The following TNFRSF10A variants were observed in gnomAD, a reference collection of about 807,000 sequenced individuals.
The protein encoded by TNFRSF10A is tumor necrosis factor receptor superfamily member 10A.
Under a neutral mutation model 42.8 loss-of-function variants are expected in TNFRSF10A, and 44 were observed. That is an observed-to-expected ratio of 1.03 (90% confidence interval 0.81 to 1.32). The LOEUF is 1.32. TNFRSF10A is among the 40% of genes most tolerant of loss of function. TNFRSF10A has a pLI of 0.00. For synonymous variants in TNFRSF10A, 259 were observed against 234.2 expected (o/e 1.11, Z -0.97); for missense variants, 680 against 602.0 (o/e 1.13, Z -1.36).
chr8:23,197,345 G>C, intron 8 of TNFRSF10A, 141 bp from the exon 9 acceptor site: 1 of 941,758 alleles, frequency 1.1e-6, no homozygotes, highest in South Asian at 1.4e-5. Context: ...AAAAACCTCT[G>C]GTCCCACATA....
At chr8:23,219,210 C>T (rs1801224751) in intron 1 of TNFRSF10A, among the ~76,000 whole-genome samples, 2 of 152,054 alleles carry the variant, frequency 1.3e-5, no homozygotes. Flanking sequence ...CTCATTTGTC[C>T]TCCCACCACC....
chr8:23,216,894 T>A (rs1271533415), intron 1 of TNFRSF10A, among the ~76,000 whole-genome samples: 3 of 152,212 alleles, frequency 2.0e-5, no homozygotes, highest in African/African-American at 7.2e-5. Context: ...TCAGAGAACA[T>A]ATTTTATATT....
In TNFRSF10A at chr8:23,212,100, C is replaced by A; in HGVS notation, c.403+16G>T. ...AAGAGAGGTGTAAAGGATTAGAGAT[C>A]AGTCTTAGAATGTACCTGGTGGACA... On this transcript the variant is annotated intron_variant, in intron 2 of 9. Transcript: ENST00000221132. 1 of 1,604,828 alleles carries A rather than the reference C, an allele frequency of 6.2e-7. No homozygotes were observed. The highest frequency in any genetic ancestry group is 1.1e-5 in the South Asian group (1 of 90,878).
At chr8:23,195,738 G>A (rs1020197531) in intron 9 of TNFRSF10A, among the ~76,000 whole-genome samples, 6 of 150,948 alleles carry the variant, frequency 4.0e-5, no homozygotes, top group Non-Finnish European at 5.9e-5. Context: ...AAGTGGGGCC[G>A]AGAGAGAGAG....
chr8:23,200,054 G>GGCC, intron 6 of TNFRSF10A, 137 bp from the exon 7 acceptor site: 1 of 1,033,106 alleles, frequency 9.7e-7, no homozygotes, highest in South Asian at 1.4e-5. Context: ...ATCCACATGA[G>GGCC]GCCCTGCTAA....
At chr8:23,200,642 TC>T (rs1341686101) in intron 5 of TNFRSF10A, 42 bp from the exon 6 acceptor site, 1 of 1,613,746 alleles carries the variant, frequency 6.2e-7, no homozygotes, top group African/African-American at 1.3e-5. Context: ...GGGCTGCTGG[TC>T]CCTGTCTCCT....
chr8:23,209,335 A>G (rs574549485), intron 2 of TNFRSF10A, among the ~76,000 whole-genome samples: 4 of 152,368 alleles, frequency 2.6e-5, no homozygotes, highest in African/African-American at 9.6e-5. Flanking sequence ...CCCCACACGG[A>G]GTCCCTACTG....
chr8:23,194,759 A>C (rs1267019813), intron 9 of TNFRSF10A, among the ~76,000 whole-genome samples: 1 of 152,220 alleles, frequency 6.6e-6, no homozygotes, highest in Admixed American at 6.5e-5. Context: ...AAAATGAAAG[A>C]ATTGAGTAAA....
intron 2 of TNFRSF10A, among the ~76,000 whole-genome samples, chr8:23,211,718 C>T (rs1370856427): frequency 6.6e-6 from 1 of 152,204 alleles, no homozygotes; most frequent in African/African-American, 2.4e-5. Context: ...TCCAAAAATA[C>T]ACCCATACCT....
chr8:23,208,745 C>T (rs1011291153), intron 2 of TNFRSF10A, among the ~76,000 whole-genome samples: 1 of 152,136 alleles, frequency 6.6e-6, no homozygotes, highest in South Asian at 2.1e-4. Flanking sequence ...CATGAGCCAC[C>T]GCGCCTGGCC....
intron 1 of TNFRSF10A, among the ~76,000 whole-genome samples, chr8:23,212,687 T>C (rs892239972): frequency 2.0e-5 from 3 of 152,272 alleles, no homozygotes; most frequent in Non-Finnish European, 4.4e-5. Flanking sequence ...AATCTCTTTA[T>C]GCCCTTTCTT....
At chr8:23,198,728 C>T (rs3808531) in intron 8 of TNFRSF10A, among the ~76,000 whole-genome samples, 38,150 of 151,942 alleles carry the variant, frequency 0.25, 4,967 homozygotes, top group South Asian at 0.34. Flanking sequence ...TGTGTGGGTA[C>T]GTGCATGTGT....
At chr8:23,216,972 T>C (rs1801192631) in intron 1 of TNFRSF10A, among the ~76,000 whole-genome samples, 1 of 152,326 alleles carries the variant, frequency 6.6e-6, no homozygotes, top group Middle Eastern at 3.4e-3. Context: ...TGAAGTACCA[T>C]GTTCATAGAA....
intron 9 of TNFRSF10A, among the ~76,000 whole-genome samples, chr8:23,195,046 C>G (rs1052592819): frequency 3.3e-5 from 5 of 152,186 alleles, no homozygotes; most frequent in African/African-American, 1.2e-4. Context: ...GTGGTCCCAG[C>G]TACTCAGGAG....
rs1343300358 is a variant in TNFRSF10A, at chr8:23,197,875, G to A, written c.1015-671C>T. Among the ~76,000 whole-genome samples the A allele has an allele frequency of 3.3e-5, 5 of 152,244 alleles. No individual in the cohort carries two copies. The East Asian group carries it at 9.6e-4, about 29-fold the overall frequency. ...AGTTACTTGAGGAAAAAGACCCAGGGCACTGCAGAGTGGAGGATGCTCTCT... is the reference window on the plus strand; with the variant it reads ...AGTTACTTGAGGAAAAAGACCCAGGACACTGCAGAGTGGAGGATGCTCTCT... On this transcript the variant is annotated intron_variant, in intron 8 of 9. Transcript: ENST00000221132.
rs958398883 is a variant in TNFRSF10A, at chr8:23,191,502, G to A, written c.*192C>T. ...TTTTGTAAAGACGGCATTTCACGAT[G>A]TTGGTCAGGCTGGTCTTGAACTTCT... On this transcript the variant is annotated 3_prime_UTR_variant, in exon 10 of 10. Transcript: ENST00000221132. 41 of 710,164 alleles carry A rather than the reference G, an allele frequency of 5.8e-5. No homozygotes were observed. The African/African-American group carries it at 7.1e-4, about 12-fold the overall frequency. The allele number at this position is 710,164 out of a possible 1,614,324, so 44.0% of individuals were successfully genotyped here.
rs1206766667 is a variant in TNFRSF10A, at chr8:23,224,968, C to G, written c.94G>C (p.Ala32Pro). The change falls in exon 1 of 10, where the codon GCC (alanine) becomes CCC (proline). Residue 32 changes from alanine to proline, a missense_variant. Physicochemically the swap from Ala to Pro is conservative, Grantham distance 27 (BLOSUM62 -1). Transcript: ENST00000221132. ...SAASGTEAAA[A>P]TPSKVWGSSA... ...GAGCCCCACACTTTGCTGGGTGTGG[C>G]CGCGGCTGCCTCTGTCCCACTCGCT... The G allele has an allele frequency of 6.3e-7, 1 of 1,599,092 alleles. No homozygotes were observed. Among genetic ancestry groups the G allele is most frequent in the South Asian group, 1.1e-5 (1 of 88,966 alleles).
intron 2 of TNFRSF10A, among the ~76,000 whole-genome samples, chr8:23,208,736 A>T (rs1295086809): frequency 1.2e-4 from 19 of 152,124 alleles, no homozygotes. Context: ...GATTACACGC[A>T]TGAGCCACCG....
In TNFRSF10A at chr8:23,200,142, GCT is replaced by G. The variant is rs913399116; in HGVS notation, c.800-227_800-226del. Among the ~76,000 whole-genome samples, 4 of 152,230 alleles carry G rather than the reference GCT, an allele frequency of 2.6e-5. No homozygotes were observed. In the East Asian group the frequency reaches 5.8e-4, roughly 22 times the overall value. On this transcript the variant is annotated intron_variant, in intron 6 of 9. Transcript: ENST00000221132. ...AACAAGTGGAACATCACTGTTTTCTGCTCTGTGTTTTGCTCTGAACAAAGCTA... is the reference window on the plus strand; with the variant it reads ...AACAAGTGGAACATCACTGTTTTCTGCTGTGTTTTGCTCTGAACAAAGCTA...
Sources: allele counts gnomAD v4.1 joint callset (sites outside exome capture counted in the v4.1 genomes callset), GRCh38; gene constraint gnomAD v4.1.1; transcripts MANE v1.5; gene names NCBI Gene and HGNC (gene_info 2026-07-23, HGNC 2026-07-21).